MTAP: variants seen among roughly 807,000 people sequenced by gnomAD.
MTAP encodes the protein methylthioadenosine phosphorylase.
In MTAP, 33 loss-of-function variants were observed where a neutral mutation model predicts 33.6. The observed-to-expected ratio is 0.98, with a 90% CI of 0.74 to 1.31. MTAP has a LOEUF of 1.31. Among genes scored for constraint, MTAP ranks in the 40% most tolerant of loss-of-function variants. The pLI, the probability that MTAP is intolerant of heterozygous loss-of-function variation, is 0.00. For missense variants in MTAP, 367 were observed against 360.0 expected (o/e 1.02, Z -0.16); for synonymous variants, 148 against 125.7 (o/e 1.18, Z -1.19).
chr9:21,834,836 C>T lies in MTAP; in HGVS notation c.348-3072C>T, dbSNP rs552376175. ...CTAAGGGTTAGCATGTGGACATCTTCGGAGGGGCCATTATTTGAAATCTAA... is the reference window on the plus strand; with the variant it reads ...CTAAGGGTTAGCATGTGGACATCTTTGGAGGGGCCATTATTTGAAATCTAA... On this transcript the variant is annotated intron_variant, in intron 4 of 7. Transcript: ENST00000644715. Among the ~76,000 whole-genome samples the T allele has an allele frequency of 5.9e-5, 9 of 152,284 alleles. 1 individual carries two copies. The highest frequency in any genetic ancestry group is 1.7e-4 in the African/African-American group (7 of 41,558).
intron 4 of MTAP, among the ~76,000 whole-genome samples, chr9:21,829,181 C>A (rs1178310899): frequency 2.0e-5 from 3 of 152,150 alleles, no homozygotes; most frequent in Non-Finnish European, 4.4e-5. Flanking sequence ...CATTTTTAGC[C>A]TGGGGTTTCC....
At chr9:21,854,274 A>G (rs1038844149) in intron 5 of MTAP, among the ~76,000 whole-genome samples, 1 of 152,238 alleles carries the variant, frequency 6.6e-6, no homozygotes, top group African/African-American at 2.4e-5. Flanking sequence ...GTTAAAAGTT[A>G]AGACTCCAGT....
chr9:21,908,004 G>A (rs1344168109), intron 1 of MTAP, among the ~76,000 whole-genome samples: 2 of 152,032 alleles, frequency 1.3e-5, no homozygotes, highest in African/African-American at 2.4e-5. Context: ...GAAAAGAAAA[G>A]CTATAGTACA....
chr9:21,819,984 GGTT>G (rs1368486285), intron 4 of MTAP, among the ~76,000 whole-genome samples: 2 of 152,090 alleles, frequency 1.3e-5, no homozygotes, highest in African/African-American at 4.8e-5. Flanking sequence ...ATTTTGATGG[GGTT>G]GTTTGATTTT....
intron 4 of MTAP, among the ~76,000 whole-genome samples, chr9:21,829,450 C>T (rs1407848804): frequency 4.0e-5 from 6 of 149,968 alleles, no homozygotes; most frequent in Admixed American, 2.0e-4. Flanking sequence ...TTTTTTGAGA[C>T]AGTCCCACTC....
At chr9:21,837,727 A>C (rs1825145403) in intron 4 of MTAP, among the ~76,000 whole-genome samples, 181 bp from the exon 5 acceptor site, 1 of 152,172 alleles carries the variant, frequency 6.6e-6, no homozygotes, top group Non-Finnish European at 1.5e-5. Context: ...CCCAGAGCCA[A>C]AAAAGCGGAA....
intron 1 of MTAP, among the ~76,000 whole-genome samples, chr9:21,886,286 A>C (rs532231220): frequency 3.0e-4 from 45 of 151,998 alleles, no homozygotes; most frequent in African/African-American, 1.0e-3. Flanking sequence ...TCCTTAGCCC[A>C]CATTTTGATG....
At chr9:21,896,817 G>T (rs1391070961) in intron 1 of MTAP, among the ~76,000 whole-genome samples, 1 of 152,168 alleles carries the variant, frequency 6.6e-6, no homozygotes, top group Non-Finnish European at 1.5e-5. Flanking sequence ...AGAGGAGCTG[G>T]TACCATTCCT....
chr9:21,832,541 G>A (rs543985819), intron 4 of MTAP, among the ~76,000 whole-genome samples: 310 of 152,256 alleles, frequency 2.0e-3, no homozygotes, highest in African/African-American at 7.3e-3. Context: ...AGAAACTTAA[G>A]CATAAACTCT....
intron 1 of MTAP, among the ~76,000 whole-genome samples, chr9:21,900,076 C>T (rs893268214): frequency 1.3e-5 from 2 of 152,034 alleles, no homozygotes; most frequent in Non-Finnish European, 2.9e-5. Flanking sequence ...CTATAAAAAC[C>T]CTAGAAGAAA....
chr9:21,821,190 C>G (rs1051607948), intron 4 of MTAP, among the ~76,000 whole-genome samples: 1 of 152,168 alleles, frequency 6.6e-6, no homozygotes, highest in Admixed American at 6.5e-5. Flanking sequence ...AGAGGGCATC[C>G]CTGTCTTGTG....
Position 21,861,904 on chromosome 9 carries a change from T to G in MTAP, c.814-72T>G, listed in dbSNP as rs67222036. The stretch of plus-strand genomic sequence containing the variant: ...CTTTGATCTAGAAAATCAAAATCTG[T>G]TTTTTTTTTTAACAAACATCTCAGT... On this transcript the variant is annotated intron_variant, in intron 7 of 7. Transcript: ENST00000644715. The G allele has an allele frequency of 0.11, 75,087 of 654,002 alleles. 3,359 individuals are homozygous for G. The highest frequency in any genetic ancestry group is 0.28 in the East Asian group (8,367 of 30,150). 40.5% of individuals were successfully genotyped at this position (654,002 alleles called of 1,614,324 possible).
intron 5 of MTAP, among the ~76,000 whole-genome samples, chr9:21,847,988 A>G (rs977261451): frequency 1.3e-5 from 2 of 152,184 alleles, no homozygotes; most frequent in African/African-American, 4.8e-5. Flanking sequence ...GGGGACACTG[A>G]GTTTGAAAAC....
Position 21,862,098 on chromosome 9 carries a change from G to A in MTAP, c.*84G>A. On this transcript the variant is annotated 3_prime_UTR_variant, in exon 8 of 8. Coordinates refer to ENST00000644715, the MANE Select transcript of MTAP (RefSeq NM_002451.4). ...CCTGCTTAACTTGAAAAAAATATGGGAAAGACATGCAGCTTTCATGCCCTT... is the reference window on the plus strand; with the variant it reads ...CCTGCTTAACTTGAAAAAAATATGGAAAAGACATGCAGCTTTCATGCCCTT... The A allele has an allele frequency of 6.2e-7, 1 of 1,607,618 alleles. No homozygotes were observed. Among genetic ancestry groups the A allele is most frequent in the Non-Finnish European group, 8.5e-7 (1 of 1,177,634 alleles).
At chr9:21,927,767 G>A (rs1234688796) in intron 1 of MTAP, among the ~76,000 whole-genome samples, 1 of 152,142 alleles carries the variant, frequency 6.6e-6, no homozygotes, top group Non-Finnish European at 1.5e-5. Context: ...AAAACTTGGG[G>A]AAAGAAAAAG....
chr9:21,887,696 C>A (rs528157916), intron 1 of MTAP, among the ~76,000 whole-genome samples: 1 of 152,294 alleles, frequency 6.6e-6, no homozygotes, highest in Non-Finnish European at 1.5e-5. Flanking sequence ...CACTGACTTC[C>A]GCAATGGTTG....
At chr9:21,884,862 C>A (rs185331598) in intron 1 of MTAP, among the ~76,000 whole-genome samples, 42 of 152,158 alleles carry the variant, frequency 2.8e-4, no homozygotes, top group Admixed American at 2.6e-3. Flanking sequence ...ATATCAAGTC[C>A]CCAACTAGGC....
At chr9:21,883,236 A>G (rs994249264) in intron 1 of MTAP, among the ~76,000 whole-genome samples, 6 of 152,156 alleles carry the variant, frequency 3.9e-5, no homozygotes, top group African/African-American at 1.4e-4. Flanking sequence ...AAATAGTTCA[A>G]CAAAAGAGAA....
At chr9:21,854,998 A>G in intron 6 of MTAP, 128 bp downstream of exon 6, 3 of 1,278,680 alleles carry the variant, frequency 2.3e-6, no homozygotes, top group Non-Finnish European at 3.2e-6. Context: ...AGTTGTTAAT[A>G]TTTTCTGTAG....
Sources: allele counts gnomAD v4.1 joint callset (sites outside exome capture counted in the v4.1 genomes callset), GRCh38; gene constraint gnomAD v4.1.1; transcripts MANE v1.5; gene names NCBI Gene and HGNC (gene_info 2026-07-23, HGNC 2026-07-21).